SERGEF: variants seen among roughly 807,000 people sequenced by gnomAD.
The protein encoded by SERGEF is secretion regulating guanine nucleotide exchange factor, also known as secretion-regulating guanine nucleotide exchange factor.
A neutral mutation model predicts 50.0 loss-of-function variants in SERGEF; 51 were observed. The ratio of observed to expected loss-of-function variants is 1.02; its 90% CI spans 0.81 to 1.29. The LOEUF is 1.29. Among genes scored for constraint, SERGEF ranks in the 50% most tolerant of loss-of-function variants. The pLI, the probability that SERGEF is intolerant of heterozygous loss-of-function variation, is 0.00. For missense variants in SERGEF, 521 were observed against 557.0 expected, an observed-to-expected ratio of 0.94 and a Z score of 0.65; for synonymous variants, 205 against 212.4, an observed-to-expected ratio of 0.97 and a Z score of 0.30.
intron 10 of SERGEF, among the ~76,000 whole-genome samples, chr11:17,812,634 A>C (rs973612034): frequency 5.9e-5 from 9 of 152,180 alleles, no homozygotes; most frequent in Admixed American, 3.9e-4. Flanking sequence ...TTCAGGGCTC[A>C]GCTGTGTTTG....
chr11:17,968,533 C>G (rs1053038713), intron 8 of SERGEF, among the ~76,000 whole-genome samples: 1 of 151,954 alleles, frequency 6.6e-6, no homozygotes, highest in Admixed American at 6.6e-5. Flanking sequence ...AAGATCCTGT[C>G]TCTACAAACA....
At chr11:17,836,805 C>T (rs1209035776) in intron 10 of SERGEF, among the ~76,000 whole-genome samples, 1 of 152,156 alleles carries the variant, frequency 6.6e-6, no homozygotes, top group African/African-American at 2.4e-5. Context: ...TCCCGTCCTT[C>T]GAAGTTCCCA....
At chr11:17,897,219 C>T (rs186344408) in intron 9 of SERGEF, among the ~76,000 whole-genome samples, 2 of 152,166 alleles carry the variant, frequency 1.3e-5, no homozygotes, top group Non-Finnish European at 2.9e-5. Flanking sequence ...TGACAACCAG[C>T]AAAGATACAG....
chr11:17,804,875 C>T (rs1008982138), intron 10 of SERGEF, among the ~76,000 whole-genome samples: 1 of 152,168 alleles, frequency 6.6e-6, no homozygotes, highest in Non-Finnish European at 1.5e-5. Context: ...GTTTGGAGAA[C>T]CATTGGTCTA....
intron 10 of SERGEF, among the ~76,000 whole-genome samples, chr11:17,802,293 G>C (rs1377100324): frequency 6.6e-6 from 1 of 152,176 alleles, no homozygotes; most frequent in South Asian, 2.1e-4. Context: ...TTGGTTCTAA[G>C]AATAAATACA....
chr11:17,820,143 C>T (rs936567867), intron 10 of SERGEF, among the ~76,000 whole-genome samples: 1 of 152,094 alleles, frequency 6.6e-6, no homozygotes, highest in African/African-American at 2.4e-5. Context: ...TGCACCTGGC[C>T]CTACTTTTCC....
intron 10 of SERGEF, among the ~76,000 whole-genome samples, chr11:17,861,492 TC>T (rs1029062887): frequency 2.4e-4 from 36 of 152,346 alleles, no homozygotes; most frequent in African/African-American, 8.4e-4. Context: ...ATGCAATCCT[TC>T]TGAGATTCCA....
intron 10 of SERGEF, among the ~76,000 whole-genome samples, chr11:17,870,643 A>G (rs1419963500): frequency 6.6e-6 from 1 of 152,244 alleles, no homozygotes; most frequent in Non-Finnish European, 1.5e-5. Context: ...TGTTATAGCA[A>G]CAATGAACAA....
At chr11:17,834,923 G>C (rs1850374668) in intron 10 of SERGEF, among the ~76,000 whole-genome samples, 2 of 152,206 alleles carry the variant, frequency 1.3e-5, no homozygotes, top group African/African-American at 4.8e-5. Flanking sequence ...CTCCTTGAGA[G>C]CATAGCCTGT....
chr11:17,923,163 C>A (rs1257094504), intron 9 of SERGEF, among the ~76,000 whole-genome samples: 1 of 152,218 alleles, frequency 6.6e-6, no homozygotes, highest in Non-Finnish European at 1.5e-5. Flanking sequence ...CTGCCATCAG[C>A]TGATTCCCGT....
chr11:17,818,572 C>T (rs777083408), intron 10 of SERGEF, among the ~76,000 whole-genome samples: 1 of 152,144 alleles, frequency 6.6e-6, no homozygotes, highest in Non-Finnish European at 1.5e-5. Context: ...GATTTAGGCC[C>T]AGGGTATATA....
chr11:17,904,619 T>C (rs1363107279), intron 9 of SERGEF, among the ~76,000 whole-genome samples: 1 of 152,224 alleles, frequency 6.6e-6, no homozygotes, highest in African/African-American at 2.4e-5. Context: ...TTTATATGAC[T>C]ATGTCAGCCT....
chr11:17,889,422 GTGT>G (rs1851491471), intron 9 of SERGEF, among the ~76,000 whole-genome samples: 2 of 152,176 alleles, frequency 1.3e-5, no homozygotes, highest in Non-Finnish European at 2.9e-5. Context: ...CCTGCCAAAA[GTGT>G]GTAAGTGAAA....
At chr11:17,987,348 G>A (rs762009898) in intron 8 of SERGEF, among the ~76,000 whole-genome samples, 2 of 152,186 alleles carry the variant, frequency 1.3e-5, no homozygotes, top group African/African-American at 2.4e-5. Context: ...CTAATCTGGT[G>A]GCTTCCTTCA....
intron 8 of SERGEF, among the ~76,000 whole-genome samples, chr11:17,969,807 G>C (rs1264478413): frequency 6.6e-6 from 1 of 152,164 alleles, no homozygotes; most frequent in Non-Finnish European, 1.5e-5. Flanking sequence ...TGTTCATCTG[G>C]AGAAAGAGCT....
intron 9 of SERGEF, among the ~76,000 whole-genome samples, chr11:17,958,330 T>C (rs1289582940): frequency 6.6e-6 from 1 of 152,210 alleles, no homozygotes; most frequent in Admixed American, 6.5e-5. Flanking sequence ...GAATGAAGAC[T>C]GAATCCCTTC....
At chr11:17,818,144 C>A (rs994757764) in intron 10 of SERGEF, among the ~76,000 whole-genome samples, 1 of 152,068 alleles carries the variant, frequency 6.6e-6, no homozygotes, top group African/African-American at 2.4e-5. Flanking sequence ...CCGCTCTGCC[C>A]CAGGCATAAG....
At chr11:17,946,673 T>G (rs1852669295) in intron 9 of SERGEF, among the ~76,000 whole-genome samples, 1 of 152,124 alleles carries the variant, frequency 6.6e-6, no homozygotes, top group Non-Finnish European at 1.5e-5. Context: ...CCTTGAGGGG[T>G]GCAAAGGGAA....
intron 9 of SERGEF, among the ~76,000 whole-genome samples, chr11:17,881,731 A>G (rs754431007): frequency 6.6e-6 from 1 of 152,214 alleles, no homozygotes; most frequent in African/African-American, 2.4e-5. Flanking sequence ...AGGTGTAAAA[A>G]GTAGATAACA....
Sources: gnomAD v4.1 joint callset for allele counts (sites outside exome capture counted in the v4.1 genomes callset) on GRCh38, gnomAD v4.1.1 for gene constraint, MANE v1.5 for transcripts, NCBI Gene and HGNC (gene_info 2026-07-23, HGNC 2026-07-21) for gene names.